The following POU2F2 variants were observed in gnomAD, a reference collection of about 807,000 sequenced individuals.
POU2F2 encodes POU class 2 homeobox 2, also known as POU domain, class 2, transcription factor 2.
Under a neutral mutation model 63.5 loss-of-function variants are expected in POU2F2, and 14 were observed. The ratio of observed to expected loss-of-function variants is 0.22; its 90% CI spans 0.15 to 0.34. The LOEUF is 0.34. Among genes scored for constraint, POU2F2 ranks in the 10% least tolerant of loss-of-function variants. The pLI, the probability that POU2F2 is intolerant of heterozygous loss-of-function variation, is 1.00. For missense variants in POU2F2, 607 were observed against 815.2 expected, an observed-to-expected ratio of 0.74 and a Z score of 3.11; for synonymous variants, 306 against 348.6, an observed-to-expected ratio of 0.88 and a Z score of 1.36.
chr19:42,165,080 T>C (rs909941859), intron 1 of POU2F2, among the ~76,000 whole-genome samples: 3 of 152,210 alleles, frequency 2.0e-5, no homozygotes, highest in Non-Finnish European at 4.4e-5. Flanking sequence ...ACAATGAACA[T>C]GTGTCACACC....
rs571329711 is a variant in POU2F2, at chr19:42,160,019, A to G, written c.-9+313T>C. Reference sequence around the variant, plus strand: ...CGAAGTCAGGAAAAGAGATTCGAACATAGGTGTGCTTGAACCCAAAGCTGT... The same window carrying G: ...CGAAGTCAGGAAAAGAGATTCGAACGTAGGTGTGCTTGAACCCAAAGCTGT... On this transcript the variant is annotated intron_variant, in intron 2 of 6. Transcript: ENST00000524801. Among the ~76,000 whole-genome samples the G allele has an allele frequency of 1.8e-4, 28 of 152,306 alleles. No individual in the cohort carries two copies. The South Asian group carries it at 5.8e-3, about 32-fold the overall frequency.
rs534975268 is a variant in POU2F2, at chr19:42,153,818, G to A, written c.-9+6514C>T. On this transcript the variant is annotated intron_variant, in intron 2 of 6. Transcript: ENST00000524801. The surrounding 1 kb of genome is among the most constrained non-coding windows in gnomAD (Gnocchi z 5.6). Reference sequence around the variant, plus strand: ...AGGCTACAACCCTGAGTCTCTGAGTGGGGGAGGGTGGCGAGGCAGCAGGGG... The same window carrying A: ...AGGCTACAACCCTGAGTCTCTGAGTAGGGGAGGGTGGCGAGGCAGCAGGGG... Among the ~76,000 whole-genome samples, 9 of 152,256 alleles carry A rather than the reference G, an allele frequency of 5.9e-5. No individual in the cohort carries two copies. Among genetic ancestry groups the A allele is most frequent in the Non-Finnish European group, 1.5e-5 (1 of 68,010 alleles).
At position 42,129,718 on chromosome 19, in the gene POU2F2, G is replaced by A. The variant is rs188654909; in HGVS notation, c.28+2666C>T. Among the ~76,000 whole-genome samples, 302 of 152,148 alleles carry A rather than the reference G, an allele frequency of 2.0e-3. 1 individual carries two copies. Among genetic ancestry groups the A allele is most frequent in the African/African-American group, 7.0e-3 (291 of 41,518 alleles). On this transcript the variant is annotated intron_variant, in intron 1 of 14. Coordinates refer to ENST00000692977, the MANE Select transcript of POU2F2 (RefSeq NM_001394376.1). ...TGTGGGCCCAGCTGGCCGAGCCCCCGTCCTCCCCAGAAGCAGCACCTCACC... is the reference window on the plus strand; with the variant it reads ...TGTGGGCCCAGCTGGCCGAGCCCCCATCCTCCCCAGAAGCAGCACCTCACC...
intron 1 of POU2F2, among the ~76,000 whole-genome samples, chr19:42,164,410 A>G (rs1448850538): frequency 1.3e-5 from 2 of 151,790 alleles, no homozygotes; most frequent in Non-Finnish European, 2.9e-5. Flanking sequence ...TCTACTAAAA[A>G]TACAAAAATA....
chr19:42,179,803 C>T (rs1377617694), upstream of POU2F2, among the ~76,000 whole-genome samples: 11 of 152,160 alleles, frequency 7.2e-5, no homozygotes, highest in Admixed American at 7.2e-4. Context: ...GTACCCAGGA[C>T]CTGTGCAGCG....
At chr19:42,098,096 G>T (rs1020301342) in intron 7 of POU2F2, among the ~76,000 whole-genome samples, 1 of 152,052 alleles carries the variant, frequency 6.6e-6, no homozygotes, top group East Asian at 1.9e-4. Flanking sequence ...ATGCACCACC[G>T]TGCCTGTTTC....
chr19:42,125,118 T>C (rs551953975), intron 1 of POU2F2, among the ~76,000 whole-genome samples: 29 of 152,192 alleles, frequency 1.9e-4, no homozygotes, highest in African/African-American at 6.5e-4. Context: ...AGATGCACAC[T>C]GCACCAAGGC....
At chr19:42,140,550 G>C (rs1440887900) in intron 2 of POU2F2, among the ~76,000 whole-genome samples, 3 of 152,132 alleles carry the variant, frequency 2.0e-5, no homozygotes, top group African/African-American at 7.2e-5. Flanking sequence ...CTTGAATGCT[G>C]TTCCCCACCT....
chr19:42,131,158 C>T (rs1401246164), intron 1 of POU2F2, among the ~76,000 whole-genome samples: 4 of 130,830 alleles, frequency 3.1e-5, no homozygotes, highest in Non-Finnish European at 4.8e-5. Context: ...TCTGCCTGGG[C>T]CTCCCCCATC....
At chr19:42,154,965 A>C (rs1351608274) in intron 2 of POU2F2, among the ~76,000 whole-genome samples, 2 of 152,052 alleles carry the variant, frequency 1.3e-5, no homozygotes, top group Non-Finnish European at 2.9e-5. Context: ...AGAGCAGTAC[A>C]TCCCTCCTTA....
rs752948728 is a variant in POU2F2, at chr19:42,092,121, G to A, written c.1414C>T (p.Pro472Ser). 4 of 1,590,554 alleles carry A rather than the reference G, an allele frequency of 2.5e-6. No homozygotes were observed. In the Admixed American group the frequency reaches 7.1e-5, roughly 28 times the overall value. The part of the protein sequence containing the change: ...PATTNSTNPS[P>S]QGSHSAIGLS... The stretch of plus-strand genomic sequence containing the variant: ...CCGATAGCCGAGTGGCTGCCTTGAG[G>A]GCTGGGGTTTGTGCTGTTGGTGGTG... The change falls in exon 13 of 15, where the codon CCT (proline) becomes TCT (serine). Residue 472 changes from proline to serine, a missense_variant. Coordinates refer to ENST00000692977, the MANE Select transcript of POU2F2 (RefSeq NM_001394376.1). The surrounding 1 kb of genome is among the most constrained non-coding windows in gnomAD (Gnocchi z 5.0).
Position 42,091,094 on chromosome 19 carries a change from CTTTTTTT to C in POU2F2, c.*156_*162del, listed in dbSNP as rs60030513. 2.8e-6 allele frequency: 1 copy of C among 360,680 alleles called. No individual in the cohort carries two copies. Among genetic ancestry groups the C allele is most frequent in the African/African-American group, 2.8e-5 (1 of 35,826 alleles). The allele number at this position is 360,680 out of a possible 1,614,324, so 22.3% of individuals were successfully genotyped here. Reference sequence around the variant, plus strand: ...TCTCTTTTGTTGGTTAGTTTCTTTCCTTTTTTTTTTTTTTTTTGGTTGGTTGTTTTTT... The same window carrying C: ...TCTCTTTTGTTGGTTAGTTTCTTTCCTTTTTTTTTTGGTTGGTTGTTTTTT... On this transcript the variant is annotated 3_prime_UTR_variant, in exon 15 of 15. Transcript: ENST00000692977.
intron 2 of POU2F2, among the ~76,000 whole-genome samples, chr19:42,142,393 T>G (rs1277682922): frequency 6.6e-6 from 1 of 152,044 alleles, no homozygotes; most frequent in African/African-American, 2.4e-5. Context: ...GGTTTCACCG[T>G]GTTAGCCAAG....
chr19:42,091,056 T>G lies in POU2F2; in HGVS notation c.*201A>C. The G allele has an allele frequency of 1.1e-5, 5 of 443,434 alleles. No homozygotes were observed. Among genetic ancestry groups the G allele is most frequent in the South Asian group, 6.4e-5 (1 of 15,510 alleles). 27.5% of individuals were successfully genotyped at this position (443,434 alleles called of 1,614,324 possible). Reference sequence around the variant, plus strand: ...TTGGGGCAGCTGGTTTCTGTTGTGATTATTTTTGGTTTTCTCTTTTGTTGG... The same window carrying G: ...TTGGGGCAGCTGGTTTCTGTTGTGAGTATTTTTGGTTTTCTCTTTTGTTGG... On this transcript the variant is annotated 3_prime_UTR_variant, in exon 15 of 15. Transcript: ENST00000692977.
intron 1 of POU2F2, among the ~76,000 whole-genome samples, chr19:42,194,365 G>A (rs1229208078): frequency 6.6e-6 from 1 of 152,064 alleles, no homozygotes; most frequent in Admixed American, 6.6e-5. Context: ...CTGGGTAACA[G>A]AGCAAGACCC....
intron 4 of POU2F2, 180 bp downstream of exon 4, chr19:42,121,946 A>G: frequency 1.5e-6 from 1 of 652,256 alleles, no homozygotes; most frequent in Non-Finnish European, 2.7e-6. Flanking sequence ...AGGGAAGGGG[A>G]AGGAGCCTGC....
rs2076891297 is a variant in POU2F2 at position 42,095,642 on chromosome 19, G to C, written c.923C>G (p.Pro308Arg). The C allele has an allele frequency of 1.9e-6, 3 of 1,613,032 alleles. No homozygotes were observed. The highest frequency in any genetic ancestry group is 2.7e-5 in the African/African-American group (2 of 74,964). Residue 308 changes from proline to arginine, a missense_variant, in exon 10 of 15, where the codon CCC becomes CGC. Pro to Arg is a moderately radical substitution (Grantham distance 103, BLOSUM62 -2). Around this residue, in one of 7 missense-constraint regions of POU2F2, gnomAD observed 39 missense variants for 36.3 expected, o/e 1.07. Coordinates refer to ENST00000692977, the MANE Select transcript of POU2F2 (RefSeq NM_001394376.1). This position sits in a 1 kb window ranked among gnomAD's most constrained non-coding sequence, Gnocchi z 7.1. The stretch of plus-strand genomic sequence containing the variant: ...GGGCAGGCCGTCGAAACCCAGGCTG[G>C]GGCTGCTCAGCTGGTTGGGGCTGGG... ...SLPSPNQLSSPSLGFDGLPGR... is the reference protein window; with the variant it reads ...SLPSPNQLSSRSLGFDGLPGR...
In POU2F2 at chr19:42,091,284, C is replaced by G. The variant is rs112365002; in HGVS notation, c.1848G>C (p.Gly616=). The G allele has an allele frequency of 0.019, 29,400 of 1,531,804 alleles. 330 individuals are homozygous for G. The highest frequency in any genetic ancestry group is 0.023 in the Non-Finnish European group (25,794 of 1,145,430). The allele number at this position is 1,531,804 out of a possible 1,614,324, so 94.9% of individuals were successfully genotyped here. Residue 616 remains glycine (G), a synonymous_variant, in exon 15 of 15, where the codon GGG becomes GGC. Transcript: ENST00000692977. ...ACTCAGGTTTGGACCCTGCCTCGGG[C>G]CCCCCTGGACCTCCAGGGGTCTGTG... is the stretch of plus-strand genomic sequence containing the variant. ...TAAQTPGGPG[G]PEAGSKPE
chr19:42,160,591 C>A (rs1175107812), intron 1 of POU2F2, among the ~76,000 whole-genome samples: 5 of 152,194 alleles, frequency 3.3e-5, no homozygotes, highest in Non-Finnish European at 7.3e-5. Context: ...GCCTCTGAGC[C>A]TCTGTGTCCC....
Sources: allele counts gnomAD v4.1 joint callset (sites outside exome capture counted in the v4.1 genomes callset), GRCh38; gene constraint gnomAD v4.1.1; regional missense constraint gnomAD v4.1.1; non-coding constraint Gnocchi (gnomAD v3.1); transcripts MANE v1.5; gene names NCBI Gene and HGNC (gene_info 2026-07-23, HGNC 2026-07-21).